The following SCRG1 variants were observed in gnomAD, a reference collection of about 807,000 sequenced individuals.
The protein encoded by SCRG1 is stimulator of chondrogenesis 1.
Under a neutral mutation model 7.7 loss-of-function variants are expected in SCRG1, and 3 were observed. That is an observed-to-expected ratio of 0.39 (90% CI 0.18 to 1.01). The LOEUF is 1.01. SCRG1 is among the 50% of genes least tolerant of loss of function. The pLI, the probability that SCRG1 is intolerant of heterozygous loss-of-function variation, is 0.36. For synonymous variants in SCRG1, 46 were observed against 41.2 expected, an observed-to-expected ratio of 1.12 and a Z score of -0.44; for missense variants, 110 against 117.2, an observed-to-expected ratio of 0.94 and a Z score of 0.28.
At chr4:173,415,741 A>G in the SCRG1 span, among the ~76,000 whole-genome samples, 1 of 152,216 alleles carries the variant, frequency 6.6e-6, no homozygotes, top group African/African-American at 2.4e-5. Context: ...TAAGAACCTT[A>G]GAAGCCTAAA....
At chr4:173,442,726 T>C in the SCRG1 span, among the ~76,000 whole-genome samples, 1 of 152,168 alleles carries the variant, frequency 6.6e-6, no homozygotes, top group Non-Finnish European at 1.5e-5. Flanking sequence ...AGGGCCTTCT[T>C]GCTGTGTCAT....
At chr4:173,478,839 G>A in the SCRG1 span, among the ~76,000 whole-genome samples, 3 of 152,086 alleles carry the variant, frequency 2.0e-5, no homozygotes, top group Admixed American at 6.6e-5. Context: ...GAAAACGAAC[G>A]GACACAGACT....
the SCRG1 span, chr4:173,419,700 C>T: frequency 6.8e-6 from 6 of 883,770 alleles, no homozygotes; most frequent in Non-Finnish European, 1.1e-5. Flanking sequence ...GCACCAAACA[C>T]TTTATTGCCA....
the SCRG1 span, among the ~76,000 whole-genome samples, chr4:173,429,570 A>G: frequency 3.9e-5 from 6 of 152,292 alleles, no homozygotes; most frequent in East Asian, 1.9e-4. Context: ...GCTTGTGATT[A>G]TAGGAATGAG....
At chr4:173,498,820 T>C in the SCRG1 span, among the ~76,000 whole-genome samples, 2,245 of 152,242 alleles carry the variant, frequency 0.015, 43 homozygotes, top group African/African-American at 0.043. Flanking sequence ...ATAGAGAAAC[T>C]GACTGGTCAA....
intron 2 of SCRG1, among the ~76,000 whole-genome samples, chr4:173,389,225 G>A (rs1003206948): frequency 5.9e-5 from 9 of 152,158 alleles, no homozygotes; most frequent in African/African-American, 2.2e-4. Context: ...CACCTGGCAG[G>A]TTTGTTAAAA....
chr4:173,432,536 C>T, the SCRG1 span, among the ~76,000 whole-genome samples: 1 of 151,986 alleles, frequency 6.6e-6, no homozygotes, highest in Non-Finnish European at 1.5e-5. Flanking sequence ...CCACTTTCTA[C>T]CCATTCGCCG....
At chr4:173,413,024 C>T in the SCRG1 span, among the ~76,000 whole-genome samples, 150,387 of 152,200 alleles carry the variant, frequency 0.99, 74,326 homozygotes, top group East Asian at 1. Context: ...ACAGCTTAGA[C>T]TGTTGCTCAG....
At chr4:173,511,149 G>A in the SCRG1 span, among the ~76,000 whole-genome samples, 1 of 152,098 alleles carries the variant, frequency 6.6e-6, no homozygotes, top group Non-Finnish European at 1.5e-5. The surrounding 1 kb of genome is among the most constrained non-coding windows in gnomAD (Gnocchi z 5.2). Flanking sequence ...TGTATATTTA[G>A]TAGAGACGGG....
chr4:173,485,247 C>T, the SCRG1 span, among the ~76,000 whole-genome samples: 4 of 98,682 alleles, frequency 4.1e-5, no homozygotes, highest in African/African-American at 1.5e-4. Context: ...AGGAATGAGG[C>T]AAAAATGATG....
the SCRG1 span, among the ~76,000 whole-genome samples, chr4:173,473,795 C>A: frequency 6.6e-6 from 1 of 152,172 alleles, no homozygotes; most frequent in Non-Finnish European, 1.5e-5. Context: ...TTGAATACAT[C>A]CCGATGGCGG....
At chr4:173,457,826 T>C in the SCRG1 span, among the ~76,000 whole-genome samples, 1 of 152,160 alleles carries the variant, frequency 6.6e-6, no homozygotes, top group East Asian at 1.9e-4. Flanking sequence ...CATCCTGTAG[T>C]GGTGTCCTGC....
At chr4:173,389,260 C>T (rs1009929933) in intron 2 of SCRG1, among the ~76,000 whole-genome samples, 2 of 151,900 alleles carry the variant, frequency 1.3e-5, no homozygotes, top group African/African-American at 2.4e-5. Flanking sequence ...CCCGGCCGGG[C>T]GCAGTGGTTC....
At chr4:173,492,636 G>C in the SCRG1 span, among the ~76,000 whole-genome samples, 1 of 152,164 alleles carries the variant, frequency 6.6e-6, no homozygotes, top group Non-Finnish European at 1.5e-5. Flanking sequence ...GCAACCATCA[G>C]AGCCCCCTAC....
the SCRG1 span, among the ~76,000 whole-genome samples, chr4:173,452,442 T>G: frequency 1.3e-5 from 2 of 152,138 alleles, no homozygotes; most frequent in Non-Finnish European, 2.9e-5. Flanking sequence ...AGTGGACCCA[T>G]GCAGTTCAAA....
the SCRG1 span, among the ~76,000 whole-genome samples, chr4:173,480,403 C>A: frequency 1.3e-5 from 2 of 148,548 alleles, 1 homozygote; most frequent in South Asian, 4.3e-4. Context: ...TTAAAAAAGT[C>A]AATAGCATGA....
upstream of SCRG1, among the ~76,000 whole-genome samples, chr4:173,400,132 AAGAAGGATGGTTTCCTGGG>A (rs1156346431): frequency 6.6e-6 from 1 of 152,204 alleles, no homozygotes; most frequent in African/African-American, 2.4e-5. Context: ...TGCAGTGTGA[AAGAAGGATGGTTTCCTGGG>A]AGGAAAGGAG....
At chr4:173,506,910 G>A in the SCRG1 span, among the ~76,000 whole-genome samples, 460 of 152,284 alleles carry the variant, frequency 3.0e-3, no homozygotes, top group African/African-American at 0.01. This position sits in a 1 kb window ranked among gnomAD's most constrained non-coding sequence, Gnocchi z 5.3. Context: ...GCTTCTCCCC[G>A]GCCGGGCTCG....
At chr4:173,453,039 G>A in the SCRG1 span, among the ~76,000 whole-genome samples, 1 of 152,122 alleles carries the variant, frequency 6.6e-6, no homozygotes, top group African/African-American at 2.4e-5. Context: ...CTTTATTATA[G>A]CCATAGCAAT....
Sources: allele counts gnomAD v4.1 joint callset (sites outside exome capture counted in the v4.1 genomes callset), GRCh38; gene constraint gnomAD v4.1.1; non-coding constraint Gnocchi (gnomAD v3.1); transcripts MANE v1.5; gene names NCBI Gene and HGNC (gene_info 2026-07-23, HGNC 2026-07-21).